C1orf21: variants seen among roughly 807,000 people sequenced by gnomAD.
C1orf21 encodes chromosome 1 open reading frame 21.
Under a neutral mutation model 18.7 loss-of-function variants are expected in C1orf21, and 3 were observed. The observed-to-expected ratio is 0.16, with a 90% confidence interval of 0.07 to 0.42. The LOEUF is 0.42. Among genes scored for constraint, C1orf21 ranks in the 10% least tolerant of loss-of-function variants. C1orf21 has a pLI of 0.99. For missense variants in C1orf21, 104 were observed against 143.6 expected (o/e 0.72, Z 1.41); for synonymous variants, 41 against 46.4 (o/e 0.88, Z 0.47).
chr1:184,450,341 C>T (rs762179054), intron 1 of C1orf21, among the ~76,000 whole-genome samples: 2 of 152,134 alleles, frequency 1.3e-5, no homozygotes, highest in Non-Finnish European at 1.5e-5. Context: ...GGACTCCCCT[C>T]GCCCCAATCA....
intron 5 of C1orf21, among the ~76,000 whole-genome samples, chr1:184,616,745 G>GTGTGTA (rs1659832417): frequency 1.3e-5 from 2 of 151,960 alleles, no homozygotes; most frequent in South Asian, 4.2e-4. Context: ...GTGTGTGTGT[G>GTGTGTA]TATCTGTCTG....
At chr1:184,418,824 T>C (rs1239560612) in intron 1 of C1orf21, among the ~76,000 whole-genome samples, 2 of 152,170 alleles carry the variant, frequency 1.3e-5, no homozygotes, top group African/African-American at 4.8e-5. Flanking sequence ...GGGAGACTGA[T>C]GTTGAATTTA....
intron 1 of C1orf21, among the ~76,000 whole-genome samples, chr1:184,406,831 G>A (rs1656255574): frequency 6.6e-6 from 1 of 152,054 alleles, no homozygotes; most frequent in Non-Finnish European, 1.5e-5. Flanking sequence ...GTCTTGCCCT[G>A]TCACCCAGGC....
intron 2 of C1orf21, among the ~76,000 whole-genome samples, chr1:184,495,872 C>A (rs1308776993): frequency 7.1e-6 from 1 of 141,088 alleles, no homozygotes; most frequent in South Asian, 2.2e-4. Context: ...GAGCCAAGAT[C>A]GTGCCACTGC....
chr1:184,556,668 AGAAT>A (rs757238484), intron 3 of C1orf21, among the ~76,000 whole-genome samples: 25 of 152,244 alleles, frequency 1.6e-4, no homozygotes, highest in Non-Finnish European at 2.6e-4. Flanking sequence ...ATGTTGAGGA[AGAAT>A]GAAGGAAGGG....
intron 1 of C1orf21, among the ~76,000 whole-genome samples, chr1:184,446,991 A>G (rs763889654): frequency 3.3e-4 from 50 of 152,194 alleles, no homozygotes; most frequent in Non-Finnish European, 5.4e-4. Flanking sequence ...TTTCCATAAG[A>G]AAATATTAAA....
intron 3 of C1orf21, among the ~76,000 whole-genome samples, chr1:184,578,403 G>A (rs1168063198): frequency 6.6e-6 from 1 of 152,206 alleles, no homozygotes; most frequent in African/African-American, 2.4e-5. Flanking sequence ...AATCAGAGAG[G>A]AGAAATTAGA....
intron 1 of C1orf21, among the ~76,000 whole-genome samples, chr1:184,456,935 C>G (rs10489723): frequency 0.08 from 12,128 of 151,820 alleles, 786 homozygotes; most frequent in African/African-American, 0.18. Flanking sequence ...ATATGTTGAC[C>G]GAAAAAAATG....
intron 1 of C1orf21, among the ~76,000 whole-genome samples, chr1:184,430,080 C>T (rs996967679): frequency 1.3e-5 from 2 of 149,676 alleles, no homozygotes; most frequent in African/African-American, 4.9e-5. Flanking sequence ...CCACTGCACT[C>T]CAGCCTGGGC....
chr1:184,456,061 C>T (rs1050742327), intron 1 of C1orf21, among the ~76,000 whole-genome samples: 2 of 152,154 alleles, frequency 1.3e-5, no homozygotes, highest in African/African-American at 4.8e-5. Flanking sequence ...CATTACTCCT[C>T]CTCACAGAAT....
intron 3 of C1orf21, among the ~76,000 whole-genome samples, chr1:184,572,912 C>T (rs930331279): frequency 6.7e-6 from 1 of 149,678 alleles, no homozygotes; most frequent in African/African-American, 2.5e-5. Flanking sequence ...GATCACGCCA[C>T]TGTACTCTAG....
intron 3 of C1orf21, among the ~76,000 whole-genome samples, chr1:184,523,255 T>A (rs1236163799): frequency 6.6e-6 from 1 of 152,052 alleles, no homozygotes; most frequent in Non-Finnish European, 1.5e-5. Context: ...TGACAATACC[T>A]CAGCCAGGTG....
chr1:184,566,924 TCTC>T, intron 3 of C1orf21: 1 of 518,454 alleles, frequency 1.9e-6, no homozygotes, highest in Non-Finnish European at 4.0e-6. Flanking sequence ...TATAATACCA[TCTC>T]CTGTCATCAG....
chr1:184,582,470 C>T (rs1329741967), intron 3 of C1orf21, among the ~76,000 whole-genome samples: 1 of 152,208 alleles, frequency 6.6e-6, no homozygotes, highest in African/African-American at 2.4e-5. Flanking sequence ...TTTTATGTCT[C>T]CTCTCTGTGT....
At chr1:184,431,281 A>G (rs1256384386) in intron 1 of C1orf21, among the ~76,000 whole-genome samples, 9 of 152,214 alleles carry the variant, frequency 5.9e-5, no homozygotes, top group Admixed American at 4.6e-4. Flanking sequence ...ATATAGGCCA[A>G]TGGAACAGAA....
At chr1:184,406,258 T>C (rs6660217) in intron 1 of C1orf21, among the ~76,000 whole-genome samples, 43,999 of 152,128 alleles carry the variant, frequency 0.29, 9,628 homozygotes, top group African/African-American at 0.62. Context: ...ATGAAATGCA[T>C]GTAAAATTCA....
intron 5 of C1orf21, among the ~76,000 whole-genome samples, chr1:184,607,319 G>A (rs1361785651): frequency 1.3e-5 from 2 of 152,196 alleles, no homozygotes; most frequent in African/African-American, 2.4e-5. Flanking sequence ...TAATGGGCCG[G>A]ATGATTCCCA....
chr1:184,550,046 T>C (rs1571410478), intron 3 of C1orf21, among the ~76,000 whole-genome samples: 1 of 152,326 alleles, frequency 6.6e-6, no homozygotes, highest in South Asian at 2.1e-4. Context: ...GGCCCAACTG[T>C]AGGCTGTTGT....
intron 2 of C1orf21, among the ~76,000 whole-genome samples, chr1:184,500,827 G>A (rs1198352972): frequency 2.0e-5 from 3 of 152,108 alleles, no homozygotes; most frequent in African/African-American, 7.2e-5. Flanking sequence ...TGGTCTTCAG[G>A]TGAAGGCATG....
Sources: allele counts gnomAD v4.1 joint callset (sites outside exome capture counted in the v4.1 genomes callset), GRCh38; gene constraint gnomAD v4.1.1; transcripts MANE v1.5; gene names NCBI Gene and HGNC (gene_info 2026-07-23, HGNC 2026-07-21).